Variants in TUSC3 observed in about 807,000 individuals in gnomAD.
TUSC3 encodes the protein dolichyl-diphosphooligosaccharide--protein glycosyltransferase subunit TUSC3.
In TUSC3, 45 loss-of-function variants were observed where a neutral mutation model predicts 44.8. The ratio of observed to expected loss-of-function variants is 1.00; its 90% CI spans 0.79 to 1.29. TUSC3 has a LOEUF of 1.29. Among genes scored for constraint, TUSC3 ranks in the 50% most tolerant of loss-of-function variants. The probability of loss-of-function intolerance (pLI) is 0.00; values close to 1 mark genes in which losing one functional copy is unlikely to be tolerated. For missense variants in TUSC3, 519 were observed against 437.9 expected (o/e 1.19, Z -1.65); for synonymous variants, 212 against 152.9 (o/e 1.39, Z -2.85).
At chr8:15,570,302 A>ACACACACT (rs1491248159) in intron 1 of TUSC3, among the ~76,000 whole-genome samples, 15 of 142,358 alleles carry the variant, frequency 1.1e-4, no homozygotes, top group African/African-American at 3.1e-4. Context: ...ACACACACAC[A>ACACACACT]CTCTTACTGA....
At chr8:15,514,697 T>A (rs945125863) in intron 2 of TUSC3, among the ~76,000 whole-genome samples, 4 of 152,200 alleles carry the variant, frequency 2.6e-5, no homozygotes, top group Admixed American at 1.3e-4. Context: ...AGTGTTAGTA[T>A]GTTTTAATAT....
At chr8:15,695,945 A>T (rs567499316) in intron 6 of TUSC3, among the ~76,000 whole-genome samples, 4 of 152,320 alleles carry the variant, frequency 2.6e-5, no homozygotes, top group South Asian at 4.1e-4. Context: ...ATTCAGTTTT[A>T]TAAGGGAAGC....
At chr8:15,562,031 C>T (rs1014907421) in intron 1 of TUSC3, among the ~76,000 whole-genome samples, 7 of 152,060 alleles carry the variant, frequency 4.6e-5, no homozygotes, top group Non-Finnish European at 8.8e-5. Context: ...CTCCTCTCTT[C>T]AAAAATCAAT....
At chr8:15,483,699 A>G (rs1332862868) in intron 2 of TUSC3, among the ~76,000 whole-genome samples, 5 of 115,090 alleles carry the variant, frequency 4.3e-5, no homozygotes, top group Non-Finnish European at 8.4e-5. Flanking sequence ...TCTGTTGCCC[A>G]TGCTGGAGTG....
the TUSC3 span, among the ~76,000 whole-genome samples, chr8:15,783,973 A>G: frequency 6.6e-6 from 1 of 152,194 alleles, no homozygotes; most frequent in Non-Finnish European, 1.5e-5. Context: ...AACAGACAAA[A>G]TATATAAGTA....
At chr8:15,561,545 C>T (rs1802462220) in intron 1 of TUSC3, 1 of 151,450 alleles carries the variant, frequency 6.6e-6, no homozygotes, top group African/African-American at 2.4e-5. Context: ...GTTCGAGCTT[C>T]CTGGCTGCTT....
the TUSC3 span, among the ~76,000 whole-genome samples, chr8:15,821,622 T>G: frequency 6.6e-6 from 1 of 151,960 alleles, no homozygotes; most frequent in South Asian, 2.1e-4. Flanking sequence ...AATGCTGATG[T>G]TCTCCTCTGT....
At chr8:15,639,853 A>G (rs1358390866) in intron 2 of TUSC3, among the ~76,000 whole-genome samples, 1 of 148,058 alleles carries the variant, frequency 6.8e-6, no homozygotes, top group East Asian at 2.1e-4. Context: ...CACTTCAGAT[A>G]TAGTCCTTTC....
intron 1 of TUSC3, among the ~76,000 whole-genome samples, chr8:15,613,777 CCTTTAA>C (rs1197593447): frequency 2.0e-5 from 3 of 152,148 alleles, no homozygotes; most frequent in South Asian, 2.1e-4. Context: ...TTTCTGTTCT[CCTTTAA>C]CTTTAACATT....
chr8:15,569,697 G>T lies in TUSC3; in HGVS notation c.138+29129G>T, dbSNP rs150565908. Among the ~76,000 whole-genome samples, 406 of 152,198 alleles carry T rather than the reference G, an allele frequency of 2.7e-3. 2 individuals carry two copies. Among genetic ancestry groups the T allele is most frequent in the African/African-American group, 9.4e-3 (389 of 41,530 alleles). On this transcript the variant is annotated intron_variant, in intron 1 of 10. Coordinates refer to ENST00000503731, the MANE Select transcript of TUSC3 (RefSeq NM_006765.4). Reference sequence around the variant, plus strand: ...TCTCGTTACGTGAGTTAGAGGTAGGGTAGACGGTTTGAAAATGGATACATA... The same window carrying T: ...TCTCGTTACGTGAGTTAGAGGTAGGTTAGACGGTTTGAAAATGGATACATA...
At chr8:15,799,232 A>G in the TUSC3 span, among the ~76,000 whole-genome samples, 2 of 152,172 alleles carry the variant, frequency 1.3e-5, no homozygotes, top group Non-Finnish European at 2.9e-5. Context: ...CCCAGCTGCT[A>G]CCATTCCTCC....
At chr8:15,601,914 TG>T (rs1804301333) in intron 1 of TUSC3, among the ~76,000 whole-genome samples, 1 of 41,876 alleles carries the variant, frequency 2.4e-5, no homozygotes, top group Non-Finnish European at 5.6e-5. Flanking sequence ...TGGTTATTTA[TG>T]TATTTTTTTT....
chr8:15,850,535 A>G, the TUSC3 span, among the ~76,000 whole-genome samples: 1 of 152,150 alleles, frequency 6.6e-6, no homozygotes, highest in East Asian at 1.9e-4. Flanking sequence ...ATTCAGTCCT[A>G]TCACTTTGTG....
chr8:15,524,040 C>T (rs1801340118), intron 2 of TUSC3, among the ~76,000 whole-genome samples: 1 of 131,498 alleles, frequency 7.6e-6, no homozygotes, highest in Non-Finnish European at 1.6e-5. Context: ...TGGCAACAGA[C>T]AGAGTGACTC....
intron 6 of TUSC3, among the ~76,000 whole-genome samples, chr8:15,687,840 G>T (rs893286339): frequency 6.6e-6 from 1 of 152,110 alleles, no homozygotes; most frequent in Non-Finnish European, 1.5e-5. Context: ...AAAATGTTAA[G>T]TATATCAGAA....
At chr8:15,795,323 C>T in the TUSC3 span, among the ~76,000 whole-genome samples, 9 of 152,064 alleles carry the variant, frequency 5.9e-5, no homozygotes, top group Non-Finnish European at 1.0e-4. Flanking sequence ...CCATAACAAC[C>T]CTGGCCAGTG....
At chr8:15,760,596 A>T (rs1276473085) in intron 10 of TUSC3, among the ~76,000 whole-genome samples, 1 of 152,158 alleles carries the variant, frequency 6.6e-6, no homozygotes, top group Non-Finnish European at 1.5e-5. Context: ...ACGTCAACAA[A>T]GAATATTTTG....
intron 6 of TUSC3, among the ~76,000 whole-genome samples, chr8:15,677,790 A>G (rs543411599): frequency 7.9e-5 from 12 of 152,198 alleles, no homozygotes; most frequent in Non-Finnish European, 1.6e-4. Context: ...GGGAGTAGTA[A>G]GATAGGCAGA....
At chr8:15,548,297 G>C (rs1341497244) in intron 1 of TUSC3, among the ~76,000 whole-genome samples, 2 of 151,736 alleles carry the variant, frequency 1.3e-5, no homozygotes, top group Non-Finnish European at 2.9e-5. Flanking sequence ...AGAGAAGCTG[G>C]GACACTTGCC....
Sources: allele counts gnomAD v4.1 joint callset (sites outside exome capture counted in the v4.1 genomes callset), GRCh38; gene constraint gnomAD v4.1.1; transcripts MANE v1.5; gene names NCBI Gene and HGNC (gene_info 2026-07-23, HGNC 2026-07-21).